Variants in PTDSS1 observed in about 807,000 individuals in gnomAD.
The protein encoded by PTDSS1 is phosphatidylserine synthase 1, also known as PSS-1.
Under a neutral mutation model 70.5 loss-of-function variants are expected in PTDSS1, and 45 were observed. That is an observed-to-expected ratio of 0.64 (90% CI 0.50 to 0.82). The LOEUF is 0.82. Among genes scored for constraint, PTDSS1 ranks in the 40% least tolerant of loss-of-function variants. The probability of loss-of-function intolerance (pLI) is 0.00; values close to 1 mark genes in which losing one functional copy is unlikely to be tolerated. For synonymous variants in PTDSS1, 188 were observed against 203.8 expected, an observed-to-expected ratio of 0.92 and a Z score of 0.66; for missense variants, 417 against 586.1, an observed-to-expected ratio of 0.71 and a Z score of 2.98.
At chr8:96,292,608 G>A (rs1335809701) in intron 4 of PTDSS1, among the ~76,000 whole-genome samples, 1 of 152,180 alleles carries the variant, frequency 6.6e-6, no homozygotes, top group Non-Finnish European at 1.5e-5. Flanking sequence ...GGCCATGGAA[G>A]GTTTATAAGC....
chr8:96,310,450 C>T (rs1290343002), intron 9 of PTDSS1, among the ~76,000 whole-genome samples: 1 of 151,814 alleles, frequency 6.6e-6, no homozygotes, highest in Non-Finnish European at 1.5e-5. Context: ...GCATGAGCCA[C>T]CGCACCCGGC....
chr8:96,280,466 G>A (rs528351366), intron 2 of PTDSS1, among the ~76,000 whole-genome samples: 1 of 152,076 alleles, frequency 6.6e-6, no homozygotes, highest in African/African-American at 2.4e-5. Flanking sequence ...AGCCTGCAGT[G>A]AGCTGAGATT....
intron 4 of PTDSS1, 143 bp downstream of exon 4, chr8:96,287,289 G>T: frequency 8.9e-7 from 1 of 1,124,624 alleles, no homozygotes. Flanking sequence ...GAGGGTTGTT[G>T]AGTTGCATGG....
intron 3 of PTDSS1, among the ~76,000 whole-genome samples, chr8:96,285,507 C>A (rs1482120289): frequency 1.3e-5 from 2 of 152,184 alleles, no homozygotes; most frequent in Non-Finnish European, 2.9e-5. Context: ...CTGGCTATAA[C>A]GTGCATACCT....
At chr8:96,266,041 C>T (rs969669356) in intron 1 of PTDSS1, among the ~76,000 whole-genome samples, 1 of 152,222 alleles carries the variant, frequency 6.6e-6, no homozygotes, top group Non-Finnish European at 1.5e-5. Flanking sequence ...TAATAATTAC[C>T]TATAAGATAC....
In PTDSS1 at chr8:96,262,504, C is replaced by T. The variant is rs1810422786; in HGVS notation, c.179+285C>T. ...CTAGCACGATCGCCCCCTCACCCAC[C>T]GCACTCAGCATCGCTCCACACAACA... On this transcript the variant is annotated intron_variant, in intron 1 of 12. Transcript: ENST00000517309. This position sits in a 1 kb window ranked among gnomAD's most constrained non-coding sequence, Gnocchi z 4.4. Among the ~76,000 whole-genome samples the T allele has an allele frequency of 6.6e-6, 1 of 152,192 alleles. No individual in the cohort carries two copies.
At chr8:96,310,999 T>C (rs1396448440) in intron 9 of PTDSS1, among the ~76,000 whole-genome samples, 2 of 151,950 alleles carry the variant, frequency 1.3e-5, no homozygotes, top group African/African-American at 4.8e-5. Context: ...TTCTTGAACC[T>C]CGTGATCCAC....
chr8:96,281,456 A>T (rs1187428961), intron 2 of PTDSS1, among the ~76,000 whole-genome samples: 1 of 151,990 alleles, frequency 6.6e-6, no homozygotes, highest in Non-Finnish European at 1.5e-5. Flanking sequence ...TTGTAGGCAA[A>T]AGTTACCAGT....
intron 6 of PTDSS1, among the ~76,000 whole-genome samples, chr8:96,301,724 C>T (rs891280697): frequency 2.0e-5 from 3 of 151,724 alleles, no homozygotes; most frequent in African/African-American, 7.3e-5. Flanking sequence ...CTGTGTTGGT[C>T]AGGCTGGTCT....
intron 10 of PTDSS1, among the ~76,000 whole-genome samples, chr8:96,321,555 C>T (rs2130161983): frequency 6.6e-6 from 1 of 152,332 alleles, no homozygotes; most frequent in Middle Eastern, 3.4e-3. Flanking sequence ...GATTTTCCCA[C>T]AGTCTGGATT....
At chr8:96,332,529 G>C (rs1261178100) in intron 12 of PTDSS1, among the ~76,000 whole-genome samples, 1 of 152,230 alleles carries the variant, frequency 6.6e-6, no homozygotes, top group African/African-American at 2.4e-5. Flanking sequence ...GAATTGATCA[G>C]TGAGCGGCCC....
chr8:96,302,931 C>T (rs1221854208), intron 6 of PTDSS1, among the ~76,000 whole-genome samples: 1 of 152,142 alleles, frequency 6.6e-6, no homozygotes, highest in African/African-American at 2.4e-5. Context: ...TCCTTGTTTT[C>T]TTATGTTTAT....
At chr8:96,327,711 C>G (rs1811457367) in intron 10 of PTDSS1, among the ~76,000 whole-genome samples, 1 of 152,096 alleles carries the variant, frequency 6.6e-6, no homozygotes, top group Non-Finnish European at 1.5e-5. Context: ...GTTGTCTGCT[C>G]GGCCGTCATT....
At chr8:96,295,835 C>T (rs938201282) in intron 5 of PTDSS1, among the ~76,000 whole-genome samples, 5 of 152,320 alleles carry the variant, frequency 3.3e-5, no homozygotes, top group South Asian at 2.1e-4. Flanking sequence ...GAACAGAATT[C>T]GTCCACATGC....
intron 9 of PTDSS1, among the ~76,000 whole-genome samples, chr8:96,317,083 GGAGA>G (rs1180673539): frequency 1.4e-5 from 2 of 139,664 alleles, no homozygotes; most frequent in Non-Finnish European, 3.1e-5. Context: ...ATATATATAT[GGAGA>G]GAGAGAGAGA....
intron 4 of PTDSS1, 152 bp from the exon 5 acceptor site, chr8:96,294,946 G>T: frequency 1.5e-6 from 1 of 651,780 alleles, no homozygotes; most frequent in Non-Finnish European, 2.4e-6. Flanking sequence ...TTTCCCTCAA[G>T]GCCCTTAAGT....
intron 1 of PTDSS1, among the ~76,000 whole-genome samples, chr8:96,271,559 A>G (rs1254807132): frequency 6.6e-6 from 1 of 152,218 alleles, no homozygotes; most frequent in African/African-American, 2.4e-5. Flanking sequence ...TAAAGGATAA[A>G]TACCCGAAAG....
chr8:96,270,367 T>C (rs1810547660), intron 1 of PTDSS1, among the ~76,000 whole-genome samples: 2 of 152,162 alleles, frequency 1.3e-5, no homozygotes, highest in African/African-American at 4.8e-5. Flanking sequence ...CAGCATGTGG[T>C]TAAATCTCTG....
At chr8:96,277,890 C>T (rs1214319937) in intron 2 of PTDSS1, among the ~76,000 whole-genome samples, 3 of 152,214 alleles carry the variant, frequency 2.0e-5, no homozygotes, top group Non-Finnish European at 4.4e-5. Context: ...TGATAGAAAA[C>T]GCATTTCAAA....
Sources: allele counts gnomAD v4.1 joint callset (sites outside exome capture counted in the v4.1 genomes callset), GRCh38; gene constraint gnomAD v4.1.1; non-coding constraint Gnocchi (gnomAD v3.1); transcripts MANE v1.5; gene names NCBI Gene and HGNC (gene_info 2026-07-23, HGNC 2026-07-21).